PHF14: variants seen among roughly 807,000 people sequenced by gnomAD.
PHF14 encodes PHD finger protein 14.
A neutral mutation model predicts 117.9 loss-of-function variants in PHF14; 55 were observed. The observed-to-expected ratio is 0.47, with a 90% CI of 0.38 to 0.58. The LOEUF is 0.58. Ranked by LOEUF, PHF14 falls within the 20% of genes least tolerant of loss-of-function variation. PHF14 has a pLI of 0.00. For missense variants in PHF14, 978 were observed against 1,122.2 expected, an observed-to-expected ratio of 0.87 and a Z score of 1.84; for synonymous variants, 409 against 368.6, an observed-to-expected ratio of 1.11 and a Z score of -1.26.
In PHF14 at chr7:11,134,452, C is replaced by G. The variant is rs546790961; in HGVS notation, c.2772+22985C>G. Among the ~76,000 whole-genome samples the G allele has an allele frequency of 2.1e-4, 32 of 152,000 alleles. 1 individual carries two copies. The South Asian group carries it at 6.2e-3, about 30-fold the overall frequency. ...GTAAAGCATGCTGATAATTTTTGCT[C>G]TTTTATTTTTAGATTTAAAAAGTTA... On this transcript the variant is annotated intron_variant, in intron 17 of 17. Transcript: ENST00000634607.
chr7:11,063,102 G>T (rs979930555), intron 16 of PHF14: 33 of 923,300 alleles, frequency 3.6e-5, no homozygotes, highest in Non-Finnish European at 4.3e-5. Context: ...AAGGCATGAA[G>T]TCTTAAATTT....
At chr7:11,117,897 A>T (rs773320866) in intron 17 of PHF14, among the ~76,000 whole-genome samples, 50 of 151,844 alleles carry the variant, frequency 3.3e-4, no homozygotes, top group Non-Finnish European at 3.5e-4. Flanking sequence ...TAAATATTTT[A>T]ACTATTCATT....
chr7:10,982,817 A>G lies in PHF14; in HGVS notation c.558A>G (p.Arg186=). 6.2e-7 allele frequency: 1 copy of G among 1,613,920 alleles called. No individual in the cohort carries two copies. The change falls in exon 3 of 18, where the codon CGA becomes CGG. Residue 186 remains arginine, a synonymous_variant. Transcript: ENST00000634607. ...QVSEPKKWNL[R]RNRPLLDFVS... ...GCGAGCCAAAAAAATGGAACCTTCGACGAAACCGACCACTTCTGGATTTTG... is the reference window on the plus strand; with the variant it reads ...GCGAGCCAAAAAAATGGAACCTTCGGCGAAACCGACCACTTCTGGATTTTG...
At chr7:10,974,794 G>A (rs1302281419) in intron 1 of PHF14, 41 bp from the exon 2 acceptor site, 1 of 985,412 alleles carries the variant, frequency 1.0e-6, no homozygotes, top group African/African-American at 1.6e-5. Flanking sequence ...CCTGTGTTTG[G>A]TGTGATTATG....
At chr7:11,005,483 CTT>C (rs2128313991) in intron 4 of PHF14, among the ~76,000 whole-genome samples, 1 of 152,298 alleles carries the variant, frequency 6.6e-6, no homozygotes, top group African/African-American at 2.4e-5. Context: ...ACTTCTCTCT[CTT>C]TCTCTCACTG....
chr7:11,136,660 T>C (rs1346082517), intron 17 of PHF14, among the ~76,000 whole-genome samples: 3 of 152,224 alleles, frequency 2.0e-5, no homozygotes, highest in African/African-American at 7.2e-5. Context: ...CTTAATCATG[T>C]GTAGTTCACT....
At chr7:11,165,601 G>A (rs1407654542) in intron 17 of PHF14, among the ~76,000 whole-genome samples, 5 of 152,124 alleles carry the variant, frequency 3.3e-5, no homozygotes. Flanking sequence ...AGTGTAATTT[G>A]TATCCAGGTA....
At chr7:11,023,986 G>T (rs942199398) in intron 6 of PHF14, among the ~76,000 whole-genome samples, 29 of 152,198 alleles carry the variant, frequency 1.9e-4, no homozygotes, top group African/African-American at 6.8e-4. Context: ...TAGGCCAAAA[G>T]CTGGGCCTCT....
intron 17 of PHF14, among the ~76,000 whole-genome samples, chr7:11,143,368 G>A (rs1287360010): frequency 1.3e-5 from 2 of 150,322 alleles, no homozygotes; most frequent in African/African-American, 2.5e-5. Flanking sequence ...TGATTCTTCC[G>A]CCTCTGCCTC....
intron 17 of PHF14, among the ~76,000 whole-genome samples, chr7:11,163,976 T>C (rs1789125166): frequency 1.3e-5 from 2 of 152,192 alleles, no homozygotes; most frequent in African/African-American, 2.4e-5. Context: ...ATATGTATTC[T>C]TACACTTTTA....
chr7:11,048,001 G>C (rs950015447), intron 13 of PHF14, among the ~76,000 whole-genome samples: 2 of 151,758 alleles, frequency 1.3e-5, no homozygotes, highest in Non-Finnish European at 2.9e-5. Flanking sequence ...ATTTCAACAT[G>C]AAAGTTATTC....
chr7:11,040,807 T>C (rs771852726), intron 12 of PHF14, 32 bp downstream of exon 12: 7 of 1,081,070 alleles, frequency 6.5e-6, no homozygotes, highest in Admixed American at 3.0e-5. Flanking sequence ...GATAGAATAA[T>C]GTTGTGTATT....
chr7:11,143,236 A>T (rs1308064670), intron 17 of PHF14, among the ~76,000 whole-genome samples: 2 of 152,180 alleles, frequency 1.3e-5, no homozygotes, highest in African/African-American at 4.8e-5. Context: ...TGTAAATAAA[A>T]TATATAAACT....
intron 14 of PHF14, among the ~76,000 whole-genome samples, chr7:11,054,328 T>G (rs1474483381): frequency 6.6e-6 from 1 of 152,166 alleles, no homozygotes; most frequent in Non-Finnish European, 1.5e-5. Context: ...GGTGCTACGC[T>G]TATACTAAAT....
At chr7:11,008,306 C>T (rs1388148559) in intron 4 of PHF14, among the ~76,000 whole-genome samples, 1 of 152,130 alleles carries the variant, frequency 6.6e-6, no homozygotes, top group Admixed American at 6.6e-5. Context: ...GTTCAAGTTA[C>T]AACCATTTGG....
intron 16 of PHF14, among the ~76,000 whole-genome samples, chr7:11,088,660 G>A (rs757511531): frequency 2.0e-5 from 3 of 151,754 alleles, no homozygotes; most frequent in Non-Finnish European, 4.4e-5. Flanking sequence ...TTTATCATAA[G>A]GAAATAGTCA....
Position 11,023,082 on chromosome 7 carries a change from G to A in PHF14, c.1317+103G>A. The A allele has an allele frequency of 1.3e-5, 7 of 554,500 alleles. No homozygotes were observed. In the South Asian group the frequency reaches 2.1e-4, roughly 16 times the overall value. The allele number at this position is 554,500 out of a possible 1,614,324, so 34.3% of individuals were successfully genotyped here. ...ATGTTGACTGCAGAAATGCTTACTA[G>A]GAATCATTCTATTTAGCACTAAATC... On this transcript the variant is annotated intron_variant, in intron 6 of 17. Transcript: ENST00000634607.
rs375744392 is a variant in PHF14 at position 11,035,802 on chromosome 7, C to G, written c.1602+16C>G. Reference sequence around the variant, plus strand: ...AGAAGCACAGGTATGGGATTCATGTCAAAACCCGTATGTTTTTGTTTTAAG... The same window carrying G: ...AGAAGCACAGGTATGGGATTCATGTGAAAACCCGTATGTTTTTGTTTTAAG... On this transcript the variant is annotated intron_variant, in intron 8 of 17. Coordinates refer to ENST00000634607, the MANE Select transcript of PHF14 (RefSeq NM_001007157.2). 13 of 1,558,676 alleles carry G rather than the reference C, an allele frequency of 8.3e-6. No individual in the cohort carries two copies. In the Admixed American group the frequency reaches 9.3e-5, roughly 11 times the overall value.
chr7:11,033,020 G>GTA (rs1354006163), intron 7 of PHF14, among the ~76,000 whole-genome samples: 2 of 152,176 alleles, frequency 1.3e-5, no homozygotes, highest in Non-Finnish European at 2.9e-5. Flanking sequence ...ACCTCATGTG[G>GTA]TAGTGGTGAA....
Sources: allele counts gnomAD v4.1 joint callset (sites outside exome capture counted in the v4.1 genomes callset), GRCh38; gene constraint gnomAD v4.1.1; transcripts MANE v1.5; gene names NCBI Gene and HGNC (gene_info 2026-07-23, HGNC 2026-07-21).